RAB31: variants seen among roughly 807,000 people sequenced by gnomAD.
RAB31 encodes the protein RAB31, member RAS oncogene family.
In RAB31, 21 loss-of-function variants were observed where a neutral mutation model predicts 25.6. The observed-to-expected ratio is 0.82, with a 90% CI of 0.58 to 1.18. The LOEUF (loss-of-function observed/expected upper bound fraction) is 1.18, where lower values mean the gene tolerates loss of function less well. RAB31 is among the 50% of genes most tolerant of loss of function. The pLI is 0.00. For synonymous variants in RAB31, 87 were observed against 84.0 expected (o/e 1.04, Z -0.20); for missense variants, 196 against 250.1 (o/e 0.78, Z 1.46).
intron 5 of RAB31, among the ~76,000 whole-genome samples, chr18:9,835,080 G>T (rs193198360): frequency 6.6e-6 from 1 of 152,102 alleles, no homozygotes; most frequent in Admixed American, 6.5e-5. Context: ...TATCCTCTTC[G>T]TATCTTATCA....
intron 5 of RAB31, among the ~76,000 whole-genome samples, chr18:9,817,800 C>G (rs961597125): frequency 2.0e-5 from 3 of 152,160 alleles, no homozygotes; most frequent in African/African-American, 7.2e-5. Flanking sequence ...TCAGCTGATT[C>G]TTATATGTGC....
chr18:9,793,635 C>T (rs900844581), intron 3 of RAB31, among the ~76,000 whole-genome samples: 2 of 151,094 alleles, frequency 1.3e-5, no homozygotes, highest in Admixed American at 1.3e-4. Flanking sequence ...GCACTGCAGC[C>T]TGGGCGACAG....
intron 3 of RAB31, among the ~76,000 whole-genome samples, chr18:9,793,618 TGCCACTGCACTGCA>T (rs555972597): frequency 0.014 from 2,123 of 151,194 alleles, 59 homozygotes; most frequent in African/African-American, 0.05. Context: ...GCCGAGATCA[TGCCACTGCACTGCA>T]GCCTGGGCGA....
intron 2 of RAB31, among the ~76,000 whole-genome samples, chr18:9,778,013 A>G (rs954616478): frequency 1.1e-4 from 17 of 152,074 alleles, no homozygotes; most frequent in African/African-American, 4.1e-4. Context: ...TCAGCCTCCC[A>G]AAGTGCTGGG....
rs1169105881 is a variant in RAB31, at chr18:9,708,411, G to A, written c.6G>A (p.Met2Ile). 1.9e-6 allele frequency: 3 copies of A among 1,567,444 alleles called. No homozygotes were observed. Among genetic ancestry groups the A allele is most frequent in the South Asian group, 1.1e-5 (1 of 87,102 alleles). ...CACTGCCTGGCTGCGAGCACATGAT[G>A]GCGATACGGGAGCTCAAAGTGTGCC... is the stretch of plus-strand genomic sequence containing the variant. Reference protein sequence around the residue: MMAIRELKVCLL... With the variant: MIAIRELKVCLL... Residue 2 changes from methionine (M) to isoleucine (I), a missense_variant, in exon 1 of 7, where the codon ATG becomes ATA. Physicochemically the swap from Met to Ile is conservative, Grantham distance 10. Transcript: ENST00000578921. The surrounding 1 kb of genome is among the most constrained non-coding windows in gnomAD (Gnocchi z 6.4).
At chr18:9,831,707 C>T (rs2143108896) in intron 5 of RAB31, among the ~76,000 whole-genome samples, 2 of 152,362 alleles carry the variant, frequency 1.3e-5, no homozygotes, top group South Asian at 4.1e-4. Context: ...GAGCTGGGGA[C>T]TGCCGTGAAC....
At chr18:9,792,288 G>A (rs531421946) in intron 3 of RAB31, 53 bp downstream of exon 3, 7 of 1,554,808 alleles carry the variant, frequency 4.5e-6, no homozygotes, top group Non-Finnish European at 6.1e-6. Flanking sequence ...AATAAGATCA[G>A]TTTCTGAAGG....
intron 5 of RAB31, among the ~76,000 whole-genome samples, chr18:9,834,509 T>G (rs2068694766): frequency 6.6e-6 from 1 of 152,146 alleles, no homozygotes; most frequent in South Asian, 2.1e-4. Flanking sequence ...CCTCACTAAT[T>G]CAGCTGTCAG....
chr18:9,723,260 C>T (rs182444046), intron 1 of RAB31, among the ~76,000 whole-genome samples: 1 of 152,184 alleles, frequency 6.6e-6, no homozygotes, highest in Non-Finnish European at 1.5e-5. Context: ...GTTGTCCAGG[C>T]TGGTCTCAAA....
intron 3 of RAB31, 86 bp downstream of exon 3, chr18:9,792,321 C>T: frequency 6.7e-7 from 1 of 1,500,892 alleles, no homozygotes; most frequent in South Asian, 1.3e-5. Flanking sequence ...AGACAAGACT[C>T]TTGGTTGCAG....
At chr18:9,718,777 C>T (rs372603402) in intron 1 of RAB31, among the ~76,000 whole-genome samples, 3 of 151,796 alleles carry the variant, frequency 2.0e-5, no homozygotes, top group East Asian at 1.9e-4. Flanking sequence ...CAGACTGAGT[C>T]TTCCCATTGG....
chr18:9,774,301 C>T (rs934389394), intron 1 of RAB31, among the ~76,000 whole-genome samples: 8 of 152,074 alleles, frequency 5.3e-5, no homozygotes, highest in African/African-American at 1.4e-4. Context: ...GCCTGATGTC[C>T]CCAAGCCCAG....
chr18:9,763,292 A>C (rs941044157), intron 1 of RAB31, among the ~76,000 whole-genome samples: 5 of 152,206 alleles, frequency 3.3e-5, no homozygotes, highest in African/African-American at 1.2e-4. Flanking sequence ...GGGCAACTCA[A>C]ATGAAAACCT....
Position 9,806,051 on chromosome 18 carries a change from T to C in RAB31, c.202-7969T>C, listed in dbSNP as rs181384092. Among the ~76,000 whole-genome samples the C allele has an allele frequency of 5.5e-3, 837 of 151,998 alleles. 16 individuals are homozygous for C. The highest frequency in any genetic ancestry group is 0.047 in the East Asian group (239 of 5,136). On this transcript the variant is annotated intron_variant, in intron 3 of 6. Coordinates refer to ENST00000578921, the MANE Select transcript of RAB31 (RefSeq NM_006868.4). ...AAGTAGCCAGGTGTGGTGGCAGGCATCTGTAGTCCCAGCTACTCGGGAGGC... is the reference window on the plus strand; with the variant it reads ...AAGTAGCCAGGTGTGGTGGCAGGCACCTGTAGTCCCAGCTACTCGGGAGGC...
intron 1 of RAB31, among the ~76,000 whole-genome samples, chr18:9,753,845 C>T (rs890603236): frequency 4.6e-5 from 7 of 152,096 alleles, no homozygotes; most frequent in African/African-American, 9.7e-5. Context: ...CAACCATGAA[C>T]GTGTTTGTGC....
chr18:9,727,542 C>T (rs2068101515), intron 1 of RAB31, among the ~76,000 whole-genome samples: 2 of 152,196 alleles, frequency 1.3e-5, no homozygotes, highest in Non-Finnish European at 2.9e-5. Context: ...TCTCGAACTC[C>T]TGGCCTCAAG....
intron 3 of RAB31, chr18:9,797,385 C>CTT (rs1395709832): frequency 6.6e-6 from 1 of 152,170 alleles, no homozygotes; most frequent in Non-Finnish European, 1.5e-5. Context: ...CTCCTGCTGG[C>CTT]GGACGTTCCC....
chr18:9,858,608 TTA>T (rs1167309752), intron 6 of RAB31, among the ~76,000 whole-genome samples: 1 of 152,166 alleles, frequency 6.6e-6, no homozygotes, highest in Non-Finnish European at 1.5e-5. Context: ...ATTTTTAAAA[TTA>T]AGTTAAGTAA....
At chr18:9,778,635 T>G (rs1385938408) in intron 2 of RAB31, among the ~76,000 whole-genome samples, 1 of 152,172 alleles carries the variant, frequency 6.6e-6, no homozygotes. Context: ...CATGCCCAGC[T>G]AATTTTTGTA....
Sources: allele counts gnomAD v4.1 joint callset (sites outside exome capture counted in the v4.1 genomes callset), GRCh38; gene constraint gnomAD v4.1.1; non-coding constraint Gnocchi (gnomAD v3.1); transcripts MANE v1.5; gene names NCBI Gene and HGNC (gene_info 2026-07-23, HGNC 2026-07-21).